The following TSPO2 variants were observed in gnomAD, a reference collection of about 807,000 sequenced individuals.
TSPO2 encodes translocator protein 2.
TSPO2 carries 15 observed loss-of-function variants against 13.3 expected under a neutral mutation model. That is an observed-to-expected ratio of 1.13 (90% CI 0.75 to 1.73). The LOEUF is 1.73. TSPO2 is among the 40% of genes most tolerant of loss of function. TSPO2 has a pLI of 0.00. For missense variants in TSPO2, 202 were observed against 198.3 expected, an observed-to-expected ratio of 1.02 and a Z score of -0.11; for synonymous variants, 81 against 91.6, an observed-to-expected ratio of 0.88 and a Z score of 0.66.
At position 41,042,772 on chromosome 6, in the gene TSPO2, G is replaced by A; in HGVS notation, c.-27G>A. On this transcript the variant is annotated 5_prime_UTR_variant, in exon 1 of 4. The change abolishes an upstream ATG in the 5' untranslated region. Transcript: ENST00000373161. ...AAGAAGTCCATGGAAGCCAGGAGATGGGCAAGGTGTGGCCTGGGGTTGGAG... is the reference window on the plus strand; with the variant it reads ...AAGAAGTCCATGGAAGCCAGGAGATAGGCAAGGTGTGGCCTGGGGTTGGAG... The A allele has an allele frequency of 1.4e-6, 1 of 697,460 alleles. No homozygotes were observed. Among genetic ancestry groups the A allele is most frequent in the Non-Finnish European group, 2.6e-6 (1 of 382,674 alleles). The allele number at this position is 697,460 out of a possible 1,614,324, so 43.2% of individuals were successfully genotyped here. A position where few individuals can be genotyped will look rare whatever the true frequency, so the allele number is the denominator to read the frequency against.
intron 3 of TSPO2, 40 bp from the exon 4 acceptor site, chr6:41,043,900 G>GT: frequency 6.3e-7 from 1 of 1,595,314 alleles, no homozygotes; most frequent in Non-Finnish European, 8.5e-7. Context: ...GGAGGTGCTG[G>GT]TTCTCGGGCA....
chr6:41,043,420 G>T, intron 2 of TSPO2, 137 bp from the exon 3 acceptor site: 1 of 1,172,132 alleles, frequency 8.5e-7, no homozygotes. Context: ...TCCCTCCCTG[G>T]CCCTTACATG....
At chr6:41,042,451 G>A (rs1051959588), upstream of TSPO2, 16 of 319,582 alleles carry the variant, frequency 5.0e-5, no homozygotes, top group African/African-American at 3.2e-4. Context: ...CTGATATGGT[G>A]AGATAAGCCT....
At chr6:41,043,395 G>C (rs1221895061) in intron 2 of TSPO2, among the ~76,000 whole-genome samples, 162 bp from the exon 3 acceptor site, 4 of 151,954 alleles carry the variant, frequency 2.6e-5, no homozygotes, top group African/African-American at 7.3e-5. Flanking sequence ...ACCATGCCCA[G>C]CTCCTCCCAC....
upstream of TSPO2, among the ~76,000 whole-genome samples, chr6:41,041,902 G>T (rs1187044324): frequency 6.6e-6 from 1 of 152,024 alleles, no homozygotes; most frequent in Non-Finnish European, 1.5e-5. Flanking sequence ...TTGAACTAGG[G>T]AGGCAGAGGT....
At chr6:41,042,855 G>A in intron 1 of TSPO2, 77 bp downstream of exon 1, 2 of 1,090,888 alleles carry the variant, frequency 1.8e-6, no homozygotes, top group Non-Finnish European at 2.8e-6. Flanking sequence ...ACCTCCGTGA[G>A]TAGACCTTCT....
intron 2 of TSPO2, 97 bp downstream of exon 2, chr6:41,043,255 A>G (rs1762619514): frequency 1.4e-6 from 2 of 1,437,410 alleles, no homozygotes; most frequent in Non-Finnish European, 1.9e-6. Flanking sequence ...CTCCAAAGGT[A>G]GGCGCTTTGT....
rs1320943138 is a variant in TSPO2, at chr6:41,043,163, G to C, written c.173+5G>C. 3 of 1,604,174 alleles carry C rather than the reference G, an allele frequency of 1.9e-6. No individual in the cohort carries two copies. The highest frequency in any genetic ancestry group is 1.3e-5 in the African/African-American group (1 of 74,606). ...AGCCATCTACTCTGTCGTGGGGTGA[G>C]TACTTGTTTCTCACACATGGCCCTG... On this transcript the variant is annotated splice_donor_5th_base_variant and intron_variant, in intron 2 of 3. Transcript: ENST00000373161.
chr6:41,043,169 G>C lies in TSPO2; in HGVS notation c.173+11G>C. The C allele has an allele frequency of 6.2e-7, 1 of 1,602,452 alleles. No homozygotes were observed. Among genetic ancestry groups the C allele is most frequent in the Non-Finnish European group, 8.5e-7 (1 of 1,173,612 alleles). On this transcript the variant is annotated intron_variant, in intron 2 of 3. Transcript: ENST00000373161. ...CTACTCTGTCGTGGGGTGAGTACTT[G>C]TTTCTCACACATGGCCCTGGTACCC... is the stretch of plus-strand genomic sequence containing the variant.
At chr6:41,043,529 G>C (rs1444703584) in intron 2 of TSPO2, 28 bp from the exon 3 acceptor site, 1 of 1,550,226 alleles carries the variant, frequency 6.5e-7, no homozygotes, top group East Asian at 2.3e-5. Flanking sequence ...TCCTCCCACT[G>C]AATGTTTTTG....
intron 2 of TSPO2, 152 bp from the exon 3 acceptor site, chr6:41,043,405 C>T: frequency 9.1e-7 from 1 of 1,094,868 alleles, no homozygotes; most frequent in Non-Finnish European, 1.3e-6. Context: ...GCTCCTCCCA[C>T]CAACTCCCTC....
intron 2 of TSPO2, 136 bp from the exon 3 acceptor site, chr6:41,043,421 C>T (rs557649228): frequency 9.3e-6 from 11 of 1,186,952 alleles, no homozygotes; most frequent in South Asian, 7.8e-5. Flanking sequence ...CCCTCCCTGG[C>T]CCTTACATGA....
chr6:41,042,584 G>A lies in TSPO2; in HGVS notation c.-215G>A. 3 of 402,824 alleles carry A rather than the reference G, an allele frequency of 7.4e-6. No homozygotes were observed. Among genetic ancestry groups the A allele is most frequent in the South Asian group, 5.5e-5 (3 of 54,280 alleles). 25.0% of individuals were successfully genotyped at this position (402,824 alleles called of 1,614,324 possible). A position where few individuals can be genotyped will look rare whatever the true frequency, so the allele number is the denominator to read the frequency against. On this transcript the variant is annotated 5_prime_UTR_variant, in exon 1 of 4. Transcript: ENST00000373161. ...CTTAGGTAGAACAGTTCTCGGTGAG[G>A]GCCAGCTACATACCTGGCTAAGCGC... is the stretch of plus-strand genomic sequence containing the variant.
rs1762644190 is a variant in TSPO2, at chr6:41,044,300, T to G, written c.*163T>G. 2 of 644,934 alleles carry G rather than the reference T, an allele frequency of 3.1e-6. No individual in the cohort carries two copies. The highest frequency in any genetic ancestry group is 5.5e-5 in the East Asian group (2 of 36,576). The allele number at this position is 644,934 out of a possible 1,614,324, so 40.0% of individuals were successfully genotyped here. A position where few individuals can be genotyped will look rare whatever the true frequency, so the allele number is the denominator to read the frequency against. Reference sequence around the variant, plus strand: ...AATGGGAAAGGGGGGGAAACTGATTTTACACTTAAATAATAAAATCCTATT... The same window carrying G: ...AATGGGAAAGGGGGGGAAACTGATTGTACACTTAAATAATAAAATCCTATT... On this transcript the variant is annotated 3_prime_UTR_variant, in exon 4 of 4. Transcript: ENST00000373161.
At chr6:41,043,479 G>A (rs748546952) in intron 2 of TSPO2, 78 bp from the exon 3 acceptor site, 4 of 1,507,880 alleles carry the variant, frequency 2.7e-6, no homozygotes, top group Non-Finnish European at 3.6e-6. Context: ...GTATCCAAGA[G>A]TCCTTATGCC....
At position 41,044,169 on chromosome 6, in the gene TSPO2, A is replaced by G; in HGVS notation, c.*32A>G. 2 of 1,610,698 alleles carry G rather than the reference A, an allele frequency of 1.2e-6. No individual in the cohort carries two copies. The highest frequency in any genetic ancestry group is 1.7e-6 in the Non-Finnish European group (2 of 1,177,454). The stretch of plus-strand genomic sequence containing the variant: ...AGGGCATGGGAGAGGAGGGACGCCC[A>G]GGGTGGGGAGGAAGAGTCTGCAAGC... On this transcript the variant is annotated 3_prime_UTR_variant, in exon 4 of 4. Transcript: ENST00000373161.
At chr6:41,042,851 G>A (rs1001840857) in intron 1 of TSPO2, 73 bp downstream of exon 1, 68 of 1,044,036 alleles carry the variant, frequency 6.5e-5, no homozygotes, top group Non-Finnish European at 8.8e-5. Flanking sequence ...AAGGACCTCC[G>A]TGAGTAGACC....
Position 41,043,995 on chromosome 6 carries a change from G to A in TSPO2, c.371G>A (p.Trp124Ter). Residue 124 changes from tryptophan to a stop codon, truncating the protein, a stop_gained, in exon 4 of 4, where the codon TGG becomes TAG. Coordinates refer to ENST00000373161, the MANE Select transcript of TSPO2 (RefSeq NM_001010873.3). LOFTEE classifies it high-confidence loss of function. ...CTGGTGGTGAGCACAGCACTGATCT[G>A]GCATCCCATCAACAAACTGGCTGCC... ...YGLVVSTALI[W>*]HPINKLAALL... 6.2e-7 allele frequency: 1 copy of A among 1,614,112 alleles called. No homozygotes were observed. The highest frequency in any genetic ancestry group is 8.5e-7 in the Non-Finnish European group (1 of 1,179,982).
Position 41,044,103 on chromosome 6 carries a change from T to G in TSPO2, c.479T>G (p.Val160Gly), listed in dbSNP as rs956350072. 10 of 1,614,032 alleles carry G rather than the reference T, an allele frequency of 6.2e-6. No homozygotes were observed. Among genetic ancestry groups the G allele is most frequent in the Non-Finnish European group, 8.5e-6 (10 of 1,180,030 alleles). ...YHLWRDSLCP[V>G]HQPQPTEKSD ...CTGTGGAGGGACAGCCTTTGTCCAG[T>G]GCACCAGCCTCAGCCCACGGAGAAG... The change falls in exon 4 of 4, where the codon GTG (valine) becomes GGG (glycine). Residue 160 changes from valine to glycine, a missense_variant. Coordinates refer to ENST00000373161, the MANE Select transcript of TSPO2 (RefSeq NM_001010873.3).
Sources: allele counts gnomAD v4.1 joint callset (sites outside exome capture counted in the v4.1 genomes callset), GRCh38; gene constraint gnomAD v4.1.1; transcripts MANE v1.5; gene names NCBI Gene and HGNC (gene_info 2026-07-23, HGNC 2026-07-21).